TCF4: variants seen among roughly 807,000 people sequenced by gnomAD.
TCF4 encodes transcription factor 4, also known as SL3-3 enhancer factor 2.
Under a neutral mutation model 82.1 loss-of-function variants are expected in TCF4, and 3 were observed. The observed-to-expected ratio is 0.04, with a 90% CI of 0.02 to 0.09. The LOEUF (loss-of-function observed/expected upper bound fraction) is 0.09. TCF4 is among the 10% of genes least tolerant of loss of function. The pLI, the probability that TCF4 is intolerant of heterozygous loss-of-function variation, is 1.00. For missense variants in TCF4, 518 were observed against 852.7 expected, an observed-to-expected ratio of 0.61 and a Z score of 4.89; for synonymous variants, 276 against 309.6, an observed-to-expected ratio of 0.89 and a Z score of 1.14.
In TCF4 at chr18:55,587,050, T is replaced by C; in HGVS notation, c.67A>G (p.Ser23Gly). The change falls in exon 2 of 20, where the codon AGT (serine) becomes GGT (glycine). Residue 23 changes from serine (S) to glycine (G), a missense_variant. Coordinates refer to ENST00000354452, the MANE Select transcript of TCF4 (RefSeq NM_001083962.2). ...TTTCCACCGTTCTTTCTTACCGCAC[T>C]GAAATCCAGTAAATCACTCAGCTCT... The part of the protein sequence containing the change: ...DKELSDLLDF[S>G]AMFSPPVSSG... 6.2e-7 allele frequency: 1 copy of C among 1,613,924 alleles called. No individual in the cohort carries two copies. Among genetic ancestry groups the C allele is most frequent in the Non-Finnish European group, 8.5e-7 (1 of 1,179,938 alleles).
intron 14 of TCF4, 140 bp downstream of exon 14, chr18:55,257,175 G>A (rs2057045062): frequency 1.2e-6 from 1 of 828,956 alleles, no homozygotes; most frequent in South Asian, 1.5e-5. Context: ...TAATGACTCT[G>A]GCTCCCGCAA....
At chr18:55,425,523 A>AG (rs2094943308) in intron 5 of TCF4, among the ~76,000 whole-genome samples, 2 of 151,434 alleles carry the variant, frequency 1.3e-5, no homozygotes, top group Admixed American at 6.6e-5. Flanking sequence ...AAGGAAAAAA[A>AG]AAAACAGAAA....
rs1048318120 is a variant in TCF4 at position 55,588,094 on chromosome 18, G to A, written c.-77C>T. 9.8e-6 allele frequency: 10 copies of A among 1,017,264 alleles called. No individual in the cohort carries two copies. Among genetic ancestry groups the A allele is most frequent in the South Asian group, 4.4e-5 (1 of 22,922 alleles). 63.0% of individuals were successfully genotyped at this position (1,017,264 alleles called of 1,614,324 possible). On this transcript the variant is annotated 5_prime_UTR_variant, in exon 1 of 20. Coordinates refer to ENST00000354452, the MANE Select transcript of TCF4 (RefSeq NM_001083962.2). Reference sequence around the variant, plus strand: ...CCGCCGGCGCCGAGGCGGCGTTCATGTCTAACCGCCGCCGCCACCGCCGCC... The same window carrying A: ...CCGCCGGCGCCGAGGCGGCGTTCATATCTAACCGCCGCCGCCACCGCCGCC...
chr18:55,371,341 A>C (rs2089105274), intron 6 of TCF4, among the ~76,000 whole-genome samples: 1 of 152,184 alleles, frequency 6.6e-6, no homozygotes, highest in South Asian at 2.1e-4. Context: ...GCCTGTCGGG[A>C]GTCAGAGGAA....
At chr18:55,530,284 T>G (rs2097045305) in intron 3 of TCF4, among the ~76,000 whole-genome samples, 2 of 152,184 alleles carry the variant, frequency 1.3e-5, no homozygotes. Context: ...CTCCGTGCAC[T>G]TTAGGTTTAT....
intron 3 of TCF4, among the ~76,000 whole-genome samples, chr18:55,509,561 A>G (rs1401966830): frequency 2.6e-5 from 4 of 152,202 alleles, no homozygotes. Context: ...GATCCCCACT[A>G]AAAATACAGT....
intron 3 of TCF4, among the ~76,000 whole-genome samples, chr18:55,490,859 T>C (rs1292843518): frequency 1.3e-5 from 2 of 152,210 alleles, no homozygotes; most frequent in African/African-American, 2.4e-5. Flanking sequence ...CAGTGCGGTA[T>C]AGAAATGTTG....
intron 8 of TCF4, among the ~76,000 whole-genome samples, chr18:55,344,438 C>A (rs756300286): frequency 1.1e-4 from 16 of 152,084 alleles, no homozygotes; most frequent in Non-Finnish European, 2.1e-4. Context: ...TAAAGCAGCC[C>A]TGCAGTGGTT....
chr18:55,384,626 T>A (rs2145950416), intron 6 of TCF4, among the ~76,000 whole-genome samples: 1 of 152,314 alleles, frequency 6.6e-6, no homozygotes, highest in Non-Finnish European at 1.5e-5. Flanking sequence ...ACCCATTAGA[T>A]GCTGTTAACA....
Position 55,437,967 on chromosome 18 carries a change from A to T in TCF4, c.304+23052T>A, listed in dbSNP as rs571067088. Among the ~76,000 whole-genome samples the T allele has an allele frequency of 4.3e-4, 66 of 152,216 alleles. 1 individual carries two copies. Among genetic ancestry groups the T allele is most frequent in the Admixed American group, 1.3e-3 (20 of 15,292 alleles). ...TCTAATCCCAGCACTTTCGGAGGCCAAGGTGGGCGGATCACTTGAGGTCAG... is the reference window on the plus strand; with the variant it reads ...TCTAATCCCAGCACTTTCGGAGGCCTAGGTGGGCGGATCACTTGAGGTCAG... On this transcript the variant is annotated intron_variant, in intron 5 of 19. Coordinates refer to ENST00000354452, the MANE Select transcript of TCF4 (RefSeq NM_001083962.2).
chr18:55,429,149 A>G (rs1268418390), intron 5 of TCF4, among the ~76,000 whole-genome samples: 3 of 152,220 alleles, frequency 2.0e-5, no homozygotes, highest in Non-Finnish European at 2.9e-5. Flanking sequence ...CAGACGGCAT[A>G]TAAGTGAAAT....
At chr18:55,495,815 T>TATGAAAAGGAATTTCATAA (rs2096628746) in intron 3 of TCF4, 1 of 152,178 alleles carries the variant, frequency 6.6e-6, no homozygotes, top group South Asian at 2.1e-4. Context: ...AAAGAGCCAT[T>TATGAAAAGGAATTTCATAA]TTCCACCGCT....
At position 55,411,702 on chromosome 18, in the gene TCF4, C is replaced by T. The variant is rs148714612; in HGVS notation, c.305-8184G>A. ...TTCCTGGGTTCTCTTCTCCATGGTA[C>T]GTGAATTCGGTAGAGTCTGGCATTC... On this transcript the variant is annotated intron_variant, in intron 5 of 19. Transcript: ENST00000354452. Among the ~76,000 whole-genome samples, 24 of 152,142 alleles carry T rather than the reference C, an allele frequency of 1.6e-4. No homozygotes were observed. In the East Asian group the frequency reaches 2.7e-3, roughly 17 times the overall value.
chr18:55,450,897 C>T (rs1343230310), intron 5 of TCF4, among the ~76,000 whole-genome samples: 2 of 152,212 alleles, frequency 1.3e-5, no homozygotes, highest in Non-Finnish European at 2.9e-5. Flanking sequence ...AACACCACAC[C>T]AGGGTGTTCT....
intron 8 of TCF4, among the ~76,000 whole-genome samples, chr18:55,291,774 C>G (rs2065149965): frequency 6.6e-6 from 1 of 152,152 alleles, no homozygotes; most frequent in Admixed American, 6.6e-5. Flanking sequence ...TAATTTAACT[C>G]AGAGCAGAGC....
At chr18:55,279,893 T>C (rs922213783) in intron 8 of TCF4, among the ~76,000 whole-genome samples, 1 of 152,226 alleles carries the variant, frequency 6.6e-6, no homozygotes, top group Admixed American at 6.5e-5. Context: ...ATATTCCAGT[T>C]GATGTAAACC....
intron 3 of TCF4, among the ~76,000 whole-genome samples, chr18:55,484,165 A>C (rs907912301): frequency 1.3e-5 from 2 of 152,182 alleles, no homozygotes; most frequent in African/African-American, 4.8e-5. Flanking sequence ...CCAAATTTGG[A>C]TGAAAGATGT....
At chr18:55,507,904 T>C (rs977320614) in intron 3 of TCF4, among the ~76,000 whole-genome samples, 2 of 152,166 alleles carry the variant, frequency 1.3e-5, no homozygotes, top group Admixed American at 6.5e-5. Flanking sequence ...TTTCTAGGCA[T>C]TCACTCAAGT....
chr18:55,624,390 C>A (rs1265217425), intron 2 of TCF4, among the ~76,000 whole-genome samples: 1 of 152,020 alleles, frequency 6.6e-6, no homozygotes, highest in Non-Finnish European at 1.5e-5. Context: ...TCCCTAAATG[C>A]CTGGTGGCCC....
Sources: allele counts gnomAD v4.1 joint callset (sites outside exome capture counted in the v4.1 genomes callset), GRCh38; gene constraint gnomAD v4.1.1; transcripts MANE v1.5; gene names NCBI Gene and HGNC (gene_info 2026-07-23, HGNC 2026-07-21).